Variants in LIFR observed in about 807,000 individuals in gnomAD.
The protein encoded by LIFR is leukemia inhibitory factor receptor.
Under a neutral mutation model 122.2 loss-of-function variants are expected in LIFR, and 84 were observed. That is an observed-to-expected ratio of 0.69 (90% confidence interval 0.58 to 0.82). The LOEUF (loss-of-function observed/expected upper bound fraction) is 0.82, where lower values mean the gene tolerates loss of function less well. LIFR is among the 40% of genes least tolerant of loss of function. The pLI, the probability that LIFR is intolerant of heterozygous loss-of-function variation, is 0.00. For missense variants in LIFR, 1,294 were observed against 1,311.6 expected (o/e 0.99, Z 0.21); for synonymous variants, 422 against 434.7 (o/e 0.97, Z 0.36).
chr5:38,606,079 A>G (rs1008411294), intron 2 of LIFR: 6 of 152,184 alleles, frequency 3.9e-5, no homozygotes. Context: ...CACTCAATCA[A>G]TGTTAGTTGC....
At chr5:38,556,815 A>G (rs1748598990), upstream of LIFR, 1 of 149,486 alleles carries the variant, frequency 6.7e-6, no homozygotes, top group Admixed American at 6.6e-5. Flanking sequence ...AGTCGGAGGA[A>G]CGCGGCCGCG....
chr5:38,584,262 AT>A (rs1055362794), intron 1 of LIFR, among the ~76,000 whole-genome samples: 1 of 152,164 alleles, frequency 6.6e-6, no homozygotes, highest in Non-Finnish European at 1.5e-5. Context: ...ATTTAGATTG[AT>A]ACAGCCATGA....
intron 18 of LIFR, among the ~76,000 whole-genome samples, chr5:38,484,502 T>G (rs907848324): frequency 1.3e-5 from 2 of 152,224 alleles, no homozygotes; most frequent in African/African-American, 4.8e-5. Flanking sequence ...TTGCCATATT[T>G]CAGCCTATAA....
upstream of LIFR, chr5:38,557,068 T>C (rs1326421132): frequency 6.6e-6 from 1 of 152,342 alleles, no homozygotes; most frequent in Non-Finnish European, 1.5e-5. Flanking sequence ...GCCGCCTCTG[T>C]AACCACTGCA....
At chr5:38,544,428 T>C (rs1437515670) in intron 1 of LIFR, among the ~76,000 whole-genome samples, 4 of 152,116 alleles carry the variant, frequency 2.6e-5, no homozygotes, top group Non-Finnish European at 5.9e-5. Context: ...TGCACCAAGC[T>C]TGATCCACCA....
At chr5:38,528,976 C>T (rs1250802397) in intron 2 of LIFR, 136 bp from the exon 3 acceptor site, 4 of 640,186 alleles carry the variant, frequency 6.2e-6, no homozygotes, top group Non-Finnish European at 8.3e-6. Flanking sequence ...CTGCAGAGAG[C>T]CCATGTTTTT....
chr5:38,514,522 T>G (rs868679924), intron 5 of LIFR, among the ~76,000 whole-genome samples: 3 of 152,240 alleles, frequency 2.0e-5, no homozygotes, highest in Non-Finnish European at 2.9e-5. Context: ...GTATGAAAGT[T>G]CCAGTTCCTC....
At chr5:38,482,548 G>T in intron 19 of LIFR, 41 bp downstream of exon 19, 2 of 1,025,804 alleles carry the variant, frequency 1.9e-6, no homozygotes, top group South Asian at 1.5e-5. Flanking sequence ...AAAAAAAGAA[G>T]CCAGCACATC....
intron 1 of LIFR, among the ~76,000 whole-genome samples, chr5:38,546,354 CAT>C (rs1747893534): frequency 6.6e-6 from 1 of 152,122 alleles, no homozygotes; most frequent in Non-Finnish European, 1.5e-5. Flanking sequence ...TGTTACCTAC[CAT>C]AGTTTAAAAC....
chr5:38,583,632 A>G (rs1457482288), intron 1 of LIFR, among the ~76,000 whole-genome samples: 2 of 152,220 alleles, frequency 1.3e-5, no homozygotes, highest in African/African-American at 2.4e-5. Flanking sequence ...CTGATTTAAA[A>G]AGGGGTAAAG....
intron 1 of LIFR, among the ~76,000 whole-genome samples, chr5:38,533,483 A>T (rs1747127424): frequency 6.6e-6 from 1 of 152,232 alleles, no homozygotes; most frequent in African/African-American, 2.4e-5. Context: ...TTGTTTGTGA[A>T]GATGAGTGTT....
chr5:38,551,329 A>G (rs1359181110), intron 1 of LIFR, among the ~76,000 whole-genome samples: 1 of 152,148 alleles, frequency 6.6e-6, no homozygotes, highest in Admixed American at 6.5e-5. Flanking sequence ...CAGGGGCTGC[A>G]GCCTAAAGTC....
In LIFR at chr5:38,603,824, C is replaced by T. The variant is rs905851328; in HGVS notation, n.305+2381G>A. 2.6e-5 allele frequency among the ~76,000 whole-genome samples: 4 copies of T among 152,298 alleles called. No homozygotes were observed. The South Asian group carries it at 8.3e-4, about 32-fold the overall frequency. ...GAAGGTCAAGTCTTCAGGATGTTTT[C>T]TTCTCTTATTCATTCCTGTGGTCAG... On this transcript the variant is annotated intron_variant and non_coding_transcript_variant, in intron 2 of 3. Coordinates refer to the LIFR transcript ENST00000507786.
At position 38,497,616 on chromosome 5, in the gene LIFR, T is replaced by C. The variant is rs141562114; in HGVS notation, c.1672-1021A>G. ...CACTACAGAAAATTTGGAAAATATATAGAAGTTGAAACAAGTAAAAATCTC... is the reference window on the plus strand; with the variant it reads ...CACTACAGAAAATTTGGAAAATATACAGAAGTTGAAACAAGTAAAAATCTC... On this transcript the variant is annotated intron_variant, in intron 12 of 19. Coordinates refer to ENST00000453190, the MANE Select transcript of LIFR (RefSeq NM_001127671.2). 7.2e-3 allele frequency among the ~76,000 whole-genome samples: 1,100 copies of C among 151,902 alleles called. 18 individuals carry two copies. Among genetic ancestry groups the C allele is most frequent in the Admixed American group, 0.034 (514 of 15,270 alleles).
At chr5:38,504,312 T>C (rs376468370) in intron 9 of LIFR, among the ~76,000 whole-genome samples, 191 bp from the exon 10 acceptor site, 46 of 149,438 alleles carry the variant, frequency 3.1e-4, no homozygotes, top group Admixed American at 2.4e-3. Context: ...TTTTAAACAA[T>C]CGATCATGCT....
At chr5:38,576,432 A>G (rs1321290966) in intron 1 of LIFR, among the ~76,000 whole-genome samples, 1 of 152,228 alleles carries the variant, frequency 6.6e-6, no homozygotes, top group African/African-American at 2.4e-5. Context: ...ACCTTGCTCA[A>G]CCTTGGCACT....
intron 1 of LIFR, among the ~76,000 whole-genome samples, chr5:38,534,450 G>C (rs1350947986): frequency 6.6e-6 from 1 of 152,144 alleles, no homozygotes; most frequent in Non-Finnish European, 1.5e-5. Context: ...TCAGAAAGAG[G>C]GAAGCTGGAA....
At position 38,489,099 on chromosome 5, in the gene LIFR, T is replaced by C. The variant is rs773440388; in HGVS notation, c.2314A>G (p.Lys772Glu). 3.8e-5 allele frequency: 61 copies of C among 1,613,122 alleles called. No individual in the cohort carries two copies. Among genetic ancestry groups the C allele is most frequent in the Non-Finnish European group, 5.1e-5 (60 of 1,179,300 alleles). Reference sequence around the variant, plus strand: ...TCACCTGATTCTAAAACCCTCATCTTAGATGTGTCTCTTTCTCCTTTTCCA... The same window carrying C: ...TCACCTGATTCTAAAACCCTCATCTCAGATGTGTCTCTTTCTCCTTTTCCA... ...YFGKGERDTS[K>E]MRVLESGRSD... is the part of the protein sequence containing the mutation. The change falls in exon 16 of 20, where the codon AAG becomes GAG. Residue 772 changes from lysine to glutamate, a missense_variant. By Grantham distance (56) the Lys-to-Glu change is moderately conservative. Transcript: ENST00000453190.
At position 38,502,638 on chromosome 5, in the gene LIFR, G is replaced by T. The variant is rs1429534092; in HGVS notation, c.1599C>A (p.Ala533=). The change falls in exon 11 of 20, where the codon GCC becomes GCA. Residue 533 remains alanine (A), a splice_region_variant and synonymous_variant. Transcript: ENST00000453190. ...CCATACATCACTTAGTTAACTTACT[G>T]GCTTCTGTTGTTAAATGTTGTTTTT... is the stretch of plus-strand genomic sequence containing the variant. ...SNKKQHLTTE[A]SPSKGPDTWR... 3.1e-6 allele frequency: 5 copies of T among 1,610,506 alleles called. No individual in the cohort carries two copies. The Admixed American group carries it at 8.3e-5, about 27-fold the overall frequency.
Sources: allele counts gnomAD v4.1 joint callset (sites outside exome capture counted in the v4.1 genomes callset), GRCh38; gene constraint gnomAD v4.1.1; transcripts MANE v1.5; gene names NCBI Gene and HGNC (gene_info 2026-07-23, HGNC 2026-07-21).